TGM4: variants seen among roughly 807,000 people sequenced by gnomAD.
The protein encoded by TGM4 is transglutaminase 4, also known as protein-glutamine gamma-glutamyltransferase 4.
A neutral mutation model predicts 76.3 loss-of-function variants in TGM4; 61 were observed. The observed-to-expected ratio is 0.80, with a 90% confidence interval of 0.65 to 0.99. The LOEUF is 0.99. TGM4 is among the 50% of genes least tolerant of loss of function. The pLI, the probability that TGM4 is intolerant of heterozygous loss-of-function variation, is 0.00. For synonymous variants in TGM4, 337 were observed against 329.8 expected (o/e 1.02, Z -0.24); for missense variants, 794 against 843.2 (o/e 0.94, Z 0.72).
intron 6 of TGM4, among the ~76,000 whole-genome samples, chr3:44,897,589 G>T (rs906263784): frequency 2.0e-5 from 3 of 152,186 alleles, no homozygotes; most frequent in Admixed American, 2.0e-4. Flanking sequence ...CCACTTGGAA[G>T]TCAGTTTGTT....
chr3:44,913,659 C>T lies in TGM4; in HGVS notation c.1989C>T (p.Ile663=), dbSNP rs145069737. Residue 663 remains isoleucine, a synonymous_variant, in exon 14 of 14, where the codon ATC becomes ATT. Transcript: ENST00000296125. The stretch of plus-strand genomic sequence containing the variant: ...TAAAAACTGGACCCAAGAAATTTAT[C>T]GTCAAGTTAAGTTCCAAACAAGTGA... ...TPIKTGPKKF[I]VKLSSKQVKE... 2.7e-5 allele frequency: 43 copies of T among 1,614,164 alleles called. No individual in the cohort carries two copies. In the African/African-American group the frequency reaches 3.6e-4, roughly 14 times the overall value.
rs146609048 is a variant in TGM4 at position 44,910,024 on chromosome 3, C to T, written c.1328-66C>T. On this transcript the variant is annotated intron_variant, in intron 10 of 13. Transcript: ENST00000296125. ...AGGCAGATGGTCTCCTTCTGCCACA[C>T]GGGTGGTTGGGACATTTGGTCCTTG... 123 of 1,556,188 alleles carry T rather than the reference C, an allele frequency of 7.9e-5. No individual in the cohort carries two copies. In the East Asian group the frequency reaches 1.5e-3, roughly 19 times the overall value.
rs1699517469 is a variant in TGM4 at position 44,880,490 on chromosome 3, A to C, written c.20-4835A>C. Among the ~76,000 whole-genome samples the C allele has an allele frequency of 2.0e-5, 3 of 152,336 alleles. 1 individual carries two copies. In the South Asian group the frequency reaches 6.2e-4, roughly 32 times the overall value. On this transcript the variant is annotated intron_variant, in intron 1 of 13. Transcript: ENST00000296125. Reference sequence around the variant, plus strand: ...AAGCACTCTGGGAAGGAGACTCTCCAGGAGTGCCTGCTGGCAGGTGGCAGT... The same window carrying C: ...AAGCACTCTGGGAAGGAGACTCTCCCGGAGTGCCTGCTGGCAGGTGGCAGT...
intron 4 of TGM4, 86 bp from the exon 5 acceptor site, chr3:44,893,491 C>A (rs1699731197): frequency 2.6e-6 from 3 of 1,164,990 alleles, no homozygotes; most frequent in Non-Finnish European, 3.9e-6. Context: ...CCTTGAATCT[C>A]CCCCAGCACA....
intron 6 of TGM4, among the ~76,000 whole-genome samples, chr3:44,898,096 A>T (rs2135532): frequency 6.6e-6 from 1 of 151,924 alleles, no homozygotes; most frequent in African/African-American, 2.4e-5. Flanking sequence ...CCTGGCTAAC[A>T]TGGTGAAACC....
At chr3:44,904,043 A>G (rs1226073946) in intron 9 of TGM4, 56 bp downstream of exon 9, 16 of 1,504,826 alleles carry the variant, frequency 1.1e-5, no homozygotes, top group East Asian at 2.3e-5. Context: ...TACATGGCCC[A>G]GGGTTCTGTG....
At chr3:44,902,613 AAAAC>A (rs1282480615) in intron 8 of TGM4, among the ~76,000 whole-genome samples, 1 of 151,250 alleles carries the variant, frequency 6.6e-6, no homozygotes, top group African/African-American at 2.4e-5. Context: ...AACAAAAACA[AAAAC>A]AAAAAACAAA....
At chr3:44,885,623 TC>T in intron 2 of TGM4, 125 bp downstream of exon 2, 1 of 1,021,192 alleles carries the variant, frequency 9.8e-7, no homozygotes, top group Non-Finnish European at 1.4e-6. Context: ...CCCCAGTTTC[TC>T]CATCTGTAAT....
At chr3:44,876,773 A>T (rs1442369943) in intron 1 of TGM4, among the ~76,000 whole-genome samples, 1 of 152,218 alleles carries the variant, frequency 6.6e-6, no homozygotes. Flanking sequence ...TATGTGTAAG[A>T]CAAAACCTCC....
At chr3:44,884,569 G>A (rs1239021421) in intron 1 of TGM4, among the ~76,000 whole-genome samples, 1 of 152,058 alleles carries the variant, frequency 6.6e-6, no homozygotes, top group Non-Finnish European at 1.5e-5. Flanking sequence ...CTGATCTCAG[G>A]TGATGCGCCG....
At chr3:44,888,783 G>C (rs1431034656) in intron 3 of TGM4, 1 of 152,036 alleles carries the variant, frequency 6.6e-6, no homozygotes, top group African/African-American at 2.4e-5. Context: ...GCCATTTCCT[G>C]CACCCTGGAA....
chr3:44,881,487 G>GCCTT (rs1167009641), intron 1 of TGM4, among the ~76,000 whole-genome samples: 1 of 152,212 alleles, frequency 6.6e-6, no homozygotes, highest in East Asian at 1.9e-4. Flanking sequence ...TCTGGTGAGG[G>GCCTT]CCTTCTTCCT....
In TGM4 at chr3:44,914,096, T is replaced by G. The variant is rs780835331; in HGVS notation, c.*371T>G. 4.6e-4 allele frequency: 84 copies of G among 184,124 alleles called. No individual in the cohort carries two copies. Among genetic ancestry groups the G allele is most frequent in the Admixed American group, 5.0e-4 (9 of 17,992 alleles). 11.4% of individuals were successfully genotyped at this position (184,124 alleles called of 1,614,324 possible). A position where few individuals can be genotyped will look rare whatever the true frequency, so the allele number is the denominator to read the frequency against. ...CAGTGCTGCCACCTGCTGACGACCC[T>G]TGAGAAGCTGCCATATCTTCAGGCC... On this transcript the variant is annotated 3_prime_UTR_variant, in exon 14 of 14. Transcript: ENST00000296125.
At chr3:44,892,357 T>C (rs1699712571) in intron 4 of TGM4, among the ~76,000 whole-genome samples, 1 of 143,236 alleles carries the variant, frequency 7.0e-6, no homozygotes, top group Admixed American at 7.4e-5. Context: ...GTCACTTTTT[T>C]TTTAATTTTT....
chr3:44,892,552 G>A (rs1479116134), intron 4 of TGM4, among the ~76,000 whole-genome samples: 1 of 151,774 alleles, frequency 6.6e-6, no homozygotes, highest in Non-Finnish European at 1.5e-5. Context: ...TGTATTTTTA[G>A]TAGAGACAGG....
intron 10 of TGM4, among the ~76,000 whole-genome samples, chr3:44,909,010 C>T (rs1699964519): frequency 6.6e-6 from 1 of 152,218 alleles, no homozygotes; most frequent in Admixed American, 6.5e-5. Context: ...TGTTTAACAA[C>T]TTCTCTGATA....
intron 5 of TGM4, among the ~76,000 whole-genome samples, chr3:44,895,925 A>C (rs1699773182): frequency 6.6e-6 from 1 of 152,224 alleles, no homozygotes. Flanking sequence ...CTTATCACAA[A>C]AGACTTAGGA....
rs1002878134 is a variant in TGM4, at chr3:44,910,176, T to G, written c.1414T>G (p.Phe472Val). 1.2e-6 allele frequency: 2 copies of G among 1,614,228 alleles called. No homozygotes were observed. The highest frequency in any genetic ancestry group is 1.3e-5 in the African/African-American group (1 of 75,052). Residue 472 changes from phenylalanine to valine, a missense_variant, in exon 11 of 14, where the codon TTT becomes GTT. Coordinates refer to ENST00000296125, the MANE Select transcript of TGM4 (RefSeq NM_003241.4). ...GCACAGACGACCTGTAAAAGAGAAC[T>G]TTCTTCACATGTCGGTACAATCAGA... ...REHRRPVKEN[F>V]LHMSVQSDDV...
intron 1 of TGM4, among the ~76,000 whole-genome samples, chr3:44,884,349 G>A: frequency 6.6e-6 from 1 of 152,196 alleles, no homozygotes; most frequent in Non-Finnish European, 1.5e-5. Context: ...TGGGTCTCAA[G>A]CTGAGGTAAT....
Sources: gnomAD v4.1 joint callset for allele counts (sites outside exome capture counted in the v4.1 genomes callset) on GRCh38, gnomAD v4.1.1 for gene constraint, MANE v1.5 for transcripts, NCBI Gene and HGNC (gene_info 2026-07-23, HGNC 2026-07-21) for gene names.